Variants in LYRM4 observed in about 807,000 individuals in gnomAD.
LYRM4 encodes the protein LYR motif-containing protein 4.
Under a neutral mutation model 11.7 loss-of-function variants are expected in LYRM4, and 9 were observed. That is an observed-to-expected ratio of 0.77 (90% CI 0.46 to 1.34). The LOEUF (loss-of-function observed/expected upper bound fraction) is 1.34, where lower values mean the gene tolerates loss of function less well. Among genes scored for constraint, LYRM4 ranks in the 40% most tolerant of loss-of-function variants. LYRM4 has a pLI of 0.00. For synonymous variants in LYRM4, 42 were observed against 40.4 expected, an observed-to-expected ratio of 1.04 and a Z score of -0.15; for missense variants, 133 against 112.5, an observed-to-expected ratio of 1.18 and a Z score of -0.82.
At chr6:5,222,085 G>C (rs971446099) in intron 1 of LYRM4, among the ~76,000 whole-genome samples, 2 of 152,208 alleles carry the variant, frequency 1.3e-5, no homozygotes, top group South Asian at 2.1e-4. Context: ...ACAGAGTGAA[G>C]AAGAGCAGAA....
chr6:5,040,648 T>A, the LYRM4 span, among the ~76,000 whole-genome samples: 1 of 152,132 alleles, frequency 6.6e-6, no homozygotes, highest in African/African-American at 2.4e-5. Context: ...TCGAGAATAA[T>A]TTGAATGTTT....
chr6:5,177,802 G>C (rs1759807179), intron 2 of LYRM4, among the ~76,000 whole-genome samples: 1 of 152,160 alleles, frequency 6.6e-6, no homozygotes, highest in South Asian at 2.1e-4. Flanking sequence ...TTACAAACAG[G>C]TCAGATGCAT....
chr6:5,230,667 A>C (rs190390667), intron 1 of LYRM4, among the ~76,000 whole-genome samples: 2 of 152,350 alleles, frequency 1.3e-5, no homozygotes, highest in Admixed American at 1.3e-4. Context: ...GGGTGAAATA[A>C]AGCACAAACG....
chr6:5,235,454 T>A (rs1464370527), intron 1 of LYRM4, among the ~76,000 whole-genome samples: 1 of 152,246 alleles, frequency 6.6e-6, no homozygotes, highest in Non-Finnish European at 1.5e-5. Flanking sequence ...AATACAGTAT[T>A]CATTTTTTTT....
chr6:5,196,770 C>A (rs1411947174), intron 2 of LYRM4, among the ~76,000 whole-genome samples: 3 of 152,108 alleles, frequency 2.0e-5, no homozygotes, highest in Non-Finnish European at 4.4e-5. Flanking sequence ...TGACTCAATT[C>A]TTTTGTCTCT....
At chr6:5,125,472 C>G (rs565685574) in intron 2 of LYRM4, among the ~76,000 whole-genome samples, 1 of 152,326 alleles carries the variant, frequency 6.6e-6, no homozygotes, top group African/African-American at 2.4e-5. Context: ...GTTCCCAGTG[C>G]CTCGCGTGGT....
the LYRM4 span, among the ~76,000 whole-genome samples, chr6:5,078,126 G>A: frequency 7.2e-5 from 11 of 152,090 alleles, no homozygotes; most frequent in African/African-American, 2.7e-4. Context: ...TTGAAATGGA[G>A]AAGCCGAAGA....
At chr6:5,153,773 G>T (rs1758225769) in intron 2 of LYRM4, among the ~76,000 whole-genome samples, 1 of 152,102 alleles carries the variant, frequency 6.6e-6, no homozygotes, top group South Asian at 2.1e-4. Flanking sequence ...ATATATTGAG[G>T]GCTGTTCATG....
At chr6:5,133,492 G>A (rs903218480) in intron 2 of LYRM4, among the ~76,000 whole-genome samples, 2 of 152,146 alleles carry the variant, frequency 1.3e-5, no homozygotes, top group South Asian at 4.1e-4. Context: ...CAAACCTTGC[G>A]TGTACACTGG....
chr6:5,178,372 T>C (rs1245737347), intron 2 of LYRM4, among the ~76,000 whole-genome samples: 1 of 151,630 alleles, frequency 6.6e-6, no homozygotes, highest in Non-Finnish European at 1.5e-5. Context: ...CTAAGGCAAA[T>C]AATTTGAAAG....
intron 2 of LYRM4, among the ~76,000 whole-genome samples, chr6:5,116,561 G>A (rs1763127216): frequency 6.6e-6 from 1 of 152,212 alleles, no homozygotes; most frequent in Admixed American, 6.5e-5. Context: ...GCAGGTGTGA[G>A]GGTCTGGTCA....
rs1000539056 is a variant in LYRM4, at chr6:5,127,012, C to T, written c.208-17521G>A. ...TCACCCAGGCTGGAGTGCAGTGGCA[C>T]GATCTTGGCTCACTGCAACCTCCGC... On this transcript the variant is annotated intron_variant, in intron 2 of 2. Coordinates refer to ENST00000330636, the MANE Select transcript of LYRM4 (RefSeq NM_020408.6). Among the ~76,000 whole-genome samples, 5 of 152,312 alleles carry T rather than the reference C, an allele frequency of 3.3e-5. No homozygotes were observed. The East Asian group carries it at 9.6e-4, about 29-fold the overall frequency.
chr6:5,110,009 T>G (rs769935907), intron 2 of LYRM4, among the ~76,000 whole-genome samples: 1 of 152,220 alleles, frequency 6.6e-6, no homozygotes, highest in Non-Finnish European at 1.5e-5. Context: ...ACCTCCTGCC[T>G]TCTATCTTTC....
chr6:5,034,364 T>C, the LYRM4 span: 4 of 152,306 alleles, frequency 2.6e-5, no homozygotes, highest in Admixed American at 1.3e-4. Context: ...TGATACAGTT[T>C]GGATGTTTGT....
chr6:5,173,723 A>G (rs1759557217), intron 2 of LYRM4, among the ~76,000 whole-genome samples: 1 of 152,214 alleles, frequency 6.6e-6, no homozygotes, highest in Non-Finnish European at 1.5e-5. Flanking sequence ...AAAACAGTCC[A>G]TTGCTCTGAG....
intron 2 of LYRM4, among the ~76,000 whole-genome samples, chr6:5,187,220 T>C (rs1760457665): frequency 6.6e-6 from 1 of 152,188 alleles, no homozygotes; most frequent in Non-Finnish European, 1.5e-5. Context: ...TTCTCAGGGC[T>C]GAAGAATCAG....
chr6:5,251,544 T>G (rs757654984), intron 1 of LYRM4, among the ~76,000 whole-genome samples: 1 of 152,082 alleles, frequency 6.6e-6, no homozygotes, highest in Non-Finnish European at 1.5e-5. Flanking sequence ...AGGAAGGAGA[T>G]GCCACATACT....
chr6:5,220,730 C>A (rs1762531505), intron 1 of LYRM4, among the ~76,000 whole-genome samples: 1 of 152,206 alleles, frequency 6.6e-6, no homozygotes, highest in Non-Finnish European at 1.5e-5. Flanking sequence ...TACTGTGTTG[C>A]ATGCCTCCAT....
At chr6:5,109,516 T>C in intron 2 of LYRM4, 25 bp from the exon 3 acceptor site, 1 of 1,607,936 alleles carries the variant, frequency 6.2e-7, no homozygotes, top group Non-Finnish European at 8.5e-7. Flanking sequence ...AGGACACAGG[T>C]CAGGAACCGT....
Sources: allele counts gnomAD v4.1 joint callset (sites outside exome capture counted in the v4.1 genomes callset), GRCh38; gene constraint gnomAD v4.1.1; transcripts MANE v1.5; gene names NCBI Gene and HGNC (gene_info 2026-07-23, HGNC 2026-07-21).